The following IL1RAPL2 variants were observed in gnomAD, a reference collection of about 807,000 sequenced individuals.
IL1RAPL2 encodes interleukin 1 receptor accessory protein like 2, also known as X-linked interleukin-1 receptor accessory protein-like 2.
A neutral mutation model predicts 44.1 loss-of-function variants in IL1RAPL2; 3 were observed. That is an observed-to-expected ratio of 0.07 (90% CI 0.03 to 0.18). The LOEUF is 0.18. Among genes scored for constraint, IL1RAPL2 ranks in the 10% least tolerant of loss-of-function variants. The pLI is 1.00. For synonymous variants in IL1RAPL2, 181 were observed against 178.8 expected (o/e 1.01, Z -0.10); for missense variants, 391 against 496.4 (o/e 0.79, Z 2.02).
chrX:104,688,074 C>T (rs961535022), intron 2 of IL1RAPL2, among the ~76,000 whole-genome samples: 1 of 112,055 alleles, frequency 8.9e-6, no homozygotes, highest in African/African-American at 3.2e-5. Context: ...CATCTCTCCC[C>T]GCCAGGCTCC....
chrX:105,533,806 T>G (rs1012670715), intron 6 of IL1RAPL2, among the ~76,000 whole-genome samples: 1 of 112,094 alleles, frequency 8.9e-6, no homozygotes, highest in Non-Finnish European at 1.9e-5. Context: ...CTGAGCAGTA[T>G]TCTGTGGAAT....
chrX:105,168,223 T>C (rs1719432085), intron 2 of IL1RAPL2, among the ~76,000 whole-genome samples: 1 of 111,952 alleles, frequency 8.9e-6, no homozygotes, highest in Admixed American at 9.5e-5. Flanking sequence ...TTTATCCCAA[T>C]GAGGCAATAC....
chrX:104,968,021 A>G lies in IL1RAPL2; in HGVS notation c.83-227454A>G, dbSNP rs754902749. Among the ~76,000 whole-genome samples, 113 of 111,760 alleles carry G rather than the reference A, an allele frequency of 1.0e-3. 2 individuals carry two copies. The highest frequency in any genetic ancestry group is 1.1e-3 in the Admixed American group (12 of 10,510). Reference sequence around the variant, plus strand: ...ATATAAACTCTCCCCAAAAGATAAAAACATATATTCCAAATTTCTTTTCTA... The same window carrying G: ...ATATAAACTCTCCCCAAAAGATAAAGACATATATTCCAAATTTCTTTTCTA... On this transcript the variant is annotated intron_variant, in intron 2 of 10. Transcript: ENST00000372582.
chrX:105,256,079 T>A (rs780907801), intron 4 of IL1RAPL2, among the ~76,000 whole-genome samples: 2 of 111,854 alleles, frequency 1.8e-5, no homozygotes, highest in African/African-American at 6.5e-5. Flanking sequence ...GATTTCTGCA[T>A]TGAAGTACAT....
At position 105,195,099 on chromosome X, in the gene IL1RAPL2, C is replaced by T. The variant is rs140509247; in HGVS notation, c.83-376C>T. ...ATGTCAGCAGCATCATTCTAGTAGT[C>T]CAATTTCATAGGCTAATGTGATGGA... On this transcript the variant is annotated intron_variant, in intron 2 of 10. Transcript: ENST00000372582. 2.5e-3 allele frequency among the ~76,000 whole-genome samples: 274 copies of T among 109,866 alleles called. 2 individuals carry two copies. Among genetic ancestry groups the T allele is most frequent in the African/African-American group, 8.9e-3 (268 of 30,195 alleles).
intron 4 of IL1RAPL2, among the ~76,000 whole-genome samples, chrX:105,249,213 C>T (rs1369426734): frequency 3.6e-5 from 4 of 110,815 alleles, no homozygotes; most frequent in Non-Finnish European, 7.6e-5. Flanking sequence ...AACCAGAGGT[C>T]ATTATGTTAA....
At chrX:104,974,105 A>G (rs1359830661) in intron 2 of IL1RAPL2, among the ~76,000 whole-genome samples, 2 of 111,714 alleles carry the variant, frequency 1.8e-5, no homozygotes, top group African/African-American at 6.5e-5. Context: ...TTGGCATTCT[A>G]TATATGAGAA....
At chrX:105,249,337 G>C (rs1441435348) in intron 4 of IL1RAPL2, among the ~76,000 whole-genome samples, 2 of 111,134 alleles carry the variant, frequency 1.8e-5, no homozygotes, top group Non-Finnish European at 3.8e-5. Context: ...ATTGTTACCA[G>C]AGGCTGGGAA....
At chrX:105,030,695 G>C (rs1336311348) in intron 2 of IL1RAPL2, among the ~76,000 whole-genome samples, 1 of 111,783 alleles carries the variant, frequency 8.9e-6, no homozygotes, top group Non-Finnish European at 1.9e-5. Context: ...CTCCGGCTTT[G>C]TTCTTTTGGC....
intron 2 of IL1RAPL2, among the ~76,000 whole-genome samples, chrX:104,907,637 T>C (rs1222529885): frequency 9.3e-6 from 1 of 107,211 alleles, no homozygotes; most frequent in Non-Finnish European, 1.9e-5. Context: ...TAATCCTGAG[T>C]TCTAGTTTGT....
intron 4 of IL1RAPL2, among the ~76,000 whole-genome samples, chrX:105,260,434 G>A (rs1343569140): frequency 8.9e-6 from 1 of 112,204 alleles, no homozygotes; most frequent in African/African-American, 3.2e-5. Context: ...CCACATTTTA[G>A]TAGAGCAGCT....
At position 104,932,136 on chromosome X, in the gene IL1RAPL2, C is replaced by T. The variant is rs187399561; in HGVS notation, c.83-263339C>T. Among the ~76,000 whole-genome samples, 27 of 107,368 alleles carry T rather than the reference C, an allele frequency of 2.5e-4. No homozygotes were observed. In the Admixed American group the frequency reaches 2.8e-3, roughly 11 times the overall value. 93.2% of individuals were successfully genotyped at this position (107,368 alleles called of 115,157 possible). On this transcript the variant is annotated intron_variant, in intron 2 of 10. Transcript: ENST00000372582. Reference sequence around the variant, plus strand: ...CCTCCCTAGTAGCTGGGATTACAGGCACCTGTCACCTGTCACCACGCCCAG... The same window carrying T: ...CCTCCCTAGTAGCTGGGATTACAGGTACCTGTCACCTGTCACCACGCCCAG...
chrX:105,338,167 G>A (rs2035043435), intron 5 of IL1RAPL2, among the ~76,000 whole-genome samples: 1 of 111,480 alleles, frequency 9.0e-6, no homozygotes, highest in Admixed American at 9.5e-5. Context: ...CTACAGGCAG[G>A]CCCAGAAGCC....
chrX:105,766,821 G>A (rs1214378000), intron 10 of IL1RAPL2, 143 bp from the exon 11 acceptor site: 2 of 380,565 alleles, frequency 5.3e-6, no homozygotes, highest in Non-Finnish European at 9.1e-6. Context: ...CAGTTTTAAG[G>A]AGGGGAATGT....
intron 2 of IL1RAPL2, among the ~76,000 whole-genome samples, chrX:104,846,397 C>T (rs1922053548): frequency 1.8e-5 from 2 of 109,676 alleles, no homozygotes; most frequent in African/African-American, 6.7e-5. Context: ...CTTCCTGTGT[C>T]CAGGTGTTTT....
Position 105,503,737 on chromosome X carries a change from C to T in IL1RAPL2, c.772+19350C>T, listed in dbSNP as rs186540971. ...AATCAATTTGTCAGCAGTACTGTTT[C>T]CTTCTGGAGGCAAAAAGGGAGAATC... On this transcript the variant is annotated intron_variant, in intron 6 of 10. Transcript: ENST00000372582. 2.7e-5 allele frequency among the ~76,000 whole-genome samples: 3 copies of T among 111,604 alleles called. No individual in the cohort carries two copies. In the East Asian group the frequency reaches 8.5e-4, roughly 32 times the overall value.
chrX:105,351,922 C>T (rs73519393), intron 5 of IL1RAPL2, among the ~76,000 whole-genome samples: 14,327 of 110,622 alleles, frequency 0.13, 2,289 homozygotes, highest in African/African-American at 0.45. Flanking sequence ...TGTTGCTTCA[C>T]GTCCCCCATC....
chrX:105,036,644 G>T (rs769419706), intron 2 of IL1RAPL2, among the ~76,000 whole-genome samples: 2 of 112,015 alleles, frequency 1.8e-5, no homozygotes, highest in Non-Finnish European at 3.8e-5. Context: ...TGTCTGTCCT[G>T]CACCTGCTCT....
At chrX:105,299,593 C>A (rs1477172860) in intron 5 of IL1RAPL2, among the ~76,000 whole-genome samples, 2 of 111,061 alleles carry the variant, frequency 1.8e-5, no homozygotes, top group Non-Finnish European at 3.8e-5. Flanking sequence ...CTTAAGCCAT[C>A]CTCAAACAAA....
Sources: allele counts gnomAD v4.1 joint callset (sites outside exome capture counted in the v4.1 genomes callset), GRCh38; gene constraint gnomAD v4.1.1; transcripts MANE v1.5; gene names NCBI Gene and HGNC (gene_info 2026-07-23, HGNC 2026-07-21).